The following ZNF865 variants were observed in gnomAD, a reference collection of about 807,000 sequenced individuals.
The protein encoded by ZNF865 is zinc finger protein 865.
For synonymous variants in ZNF865, 763 were observed against 750.8 expected, an observed-to-expected ratio of 1.02 and a Z score of -0.27; for missense variants, 1,311 against 1,593.4, an observed-to-expected ratio of 0.82 and a Z score of 3.02.
chr19:55,614,239 G>A lies in ZNF865; in HGVS notation c.621G>A (p.Lys207=), dbSNP rs1406228829. ...CGGCGGCGGCCTGCGACCCCACCAA[G>A]GACGACAAGGGCTACTTCCGGAGAC... ...PPAAAACDPT[K]DDKGYFRRLK... The change falls in exon 2 of 2, where the codon AAG becomes AAA. Residue 207 remains lysine (K), a synonymous_variant. Transcript: ENST00000568956. This position sits in a 1 kb window ranked among gnomAD's most constrained non-coding sequence, Gnocchi z 8.0. 4.6e-6 allele frequency: 7 copies of A among 1,512,084 alleles called. No homozygotes were observed. Among genetic ancestry groups the A allele is most frequent in the African/African-American group, 2.9e-5 (2 of 70,146 alleles). 93.7% of individuals were successfully genotyped at this position (1,512,084 alleles called of 1,614,324 possible).
rs1328186538 is a variant in ZNF865, at chr19:55,614,838, T to G, written c.1220T>G (p.Leu407Arg). ...ACGCACTCGGCCGACCTCCTGCGCC[T>G]GCCCTGCGGCATCTGCGGGAAGGCC... Reference protein sequence around the residue: ...VKTHSADLLRLPCGICGKAFR... With the variant: ...VKTHSADLLRRPCGICGKAFR... The change falls in exon 2 of 2, where the codon CTG becomes CGG. Residue 407 changes from leucine (L) to arginine (R), a missense_variant. Transcript: ENST00000568956. The surrounding 1 kb of genome is among the most constrained non-coding windows in gnomAD (Gnocchi z 8.0). The G allele has an allele frequency of 1.3e-6, 2 of 1,532,250 alleles. No homozygotes were observed. Among genetic ancestry groups the G allele is most frequent in the East Asian group, 4.9e-5 (2 of 40,530 alleles). The allele number at this position is 1,532,250 out of a possible 1,614,324, so 94.9% of individuals were successfully genotyped here. A position where few individuals can be genotyped will look rare whatever the true frequency, so the allele number is the denominator to read the frequency against.
chr19:55,606,356 A>ACC (rs138216369), intron 1 of ZNF865, among the ~76,000 whole-genome samples: 2 of 150,162 alleles, frequency 1.3e-5, no homozygotes, highest in Non-Finnish European at 1.5e-5. Flanking sequence ...TTTCAAAGCC[A>ACC]CCCCCCCATC....
chr19:55,616,935 C>T lies in ZNF865; in HGVS notation c.*137C>T. On this transcript the variant is annotated 3_prime_UTR_variant, in exon 2 of 2. Coordinates refer to ENST00000568956, the MANE Select transcript of ZNF865 (RefSeq NM_001195605.2). ...ACACGGACTGGCGACCTTCAGGGCG[C>T]ACGCCCGACAGGCTCAAGACTGAAT... 1.1e-6 allele frequency: 1 copy of T among 915,022 alleles called. No individual in the cohort carries two copies. Among genetic ancestry groups the T allele is most frequent in the Non-Finnish European group, 1.5e-6 (1 of 652,824 alleles). The allele number at this position is 915,022 out of a possible 1,614,324, so 56.7% of individuals were successfully genotyped here.
At position 55,614,523 on chromosome 19, in the gene ZNF865, G is replaced by GCGC; in HGVS notation, c.910_912dup (p.Ala304dup). Reference sequence around the variant, plus strand: ...CTGGGCCTCCCAGCACCCGCTGCCAGCGCCGCCACCGCCGCCGCCCCCTCC... The same window carrying GCGC: ...CTGGGCCTCCCAGCACCCGCTGCCAGCGCCGCCGCCACCGCCGCCGCCCCCTCC... On this transcript the variant is annotated inframe_insertion, in exon 2 of 2. Transcript: ENST00000568956. This position sits in a 1 kb window ranked among gnomAD's most constrained non-coding sequence, Gnocchi z 8.0. 1 of 1,332,738 alleles carries GCGC rather than the reference G, an allele frequency of 7.5e-7. No homozygotes were observed. Among genetic ancestry groups the GCGC allele is most frequent in the Non-Finnish European group, 9.5e-7 (1 of 1,049,936 alleles). The allele number at this position is 1,332,738 out of a possible 1,614,324, so 82.6% of individuals were successfully genotyped here. A position where few individuals can be genotyped will look rare whatever the true frequency, so the allele number is the denominator to read the frequency against.
intron 1 of ZNF865, among the ~76,000 whole-genome samples, chr19:55,606,608 T>G (rs2123580208): frequency 6.6e-6 from 1 of 152,362 alleles, no homozygotes; most frequent in South Asian, 2.1e-4. Flanking sequence ...GAACAACTGT[T>G]GCCCTGACCT....
intron 1 of ZNF865, among the ~76,000 whole-genome samples, chr19:55,607,933 G>T (rs899470741): frequency 1.3e-5 from 2 of 152,120 alleles, no homozygotes; most frequent in Admixed American, 6.6e-5. Flanking sequence ...TAGGTCCTGG[G>T]GATGGAACAG....
intron 1 of ZNF865, chr19:55,613,059 C>T (rs191928566): frequency 6.7e-4 from 103 of 153,516 alleles, no homozygotes; most frequent in Non-Finnish European, 1.2e-3. Context: ...AGTCCAGAGG[C>T]CCCCAGGATG....
Position 55,615,240 on chromosome 19 carries a change from C to T in ZNF865, c.1622C>T (p.Ser541Leu), listed in dbSNP as rs1167124254. 1.1e-5 allele frequency: 16 copies of T among 1,511,462 alleles called. No homozygotes were observed. Among genetic ancestry groups the T allele is most frequent in the Middle Eastern group, 1.7e-4 (1 of 5,718 alleles). 93.6% of individuals were successfully genotyped at this position (1,511,462 alleles called of 1,614,324 possible). Residue 541 changes from serine (S) to leucine (L), a missense_variant, in exon 2 of 2, where the codon TCG (serine) becomes TTG (leucine). Coordinates refer to ENST00000568956, the MANE Select transcript of ZNF865 (RefSeq NM_001195605.2). ...GGAGTSGAGG[S>L]GASVPGKTFC... is the part of the protein sequence containing the mutation. ...GCGGGGACCAGCGGGGCGGGAGGCTCGGGCGCCAGCGTCCCAGGAAAGACG... is the reference window on the plus strand; with the variant it reads ...GCGGGGACCAGCGGGGCGGGAGGCTTGGGCGCCAGCGTCCCAGGAAAGACG...
intron 1 of ZNF865, chr19:55,612,589 C>T (rs1568525377): frequency 6.6e-6 from 1 of 152,380 alleles, no homozygotes; most frequent in African/African-American, 2.4e-5. Flanking sequence ...GTAGCCTTCA[C>T]CTCCCGGGCT....
At chr19:55,609,526 C>T (rs527886588) in intron 1 of ZNF865, among the ~76,000 whole-genome samples, 1 of 152,304 alleles carries the variant, frequency 6.6e-6, no homozygotes, top group Non-Finnish European at 1.5e-5. Flanking sequence ...AGAATTTCAT[C>T]ACAAGGCAGC....
Position 55,616,437 on chromosome 19 carries a change from C to G in ZNF865, c.2819C>G (p.Thr940Ser). ...RPQRCSACGK[T>S]FRYRSNLLEH... ...CAGCGCTGCAGCGCCTGTGGCAAGACCTTCCGCTACCGCTCCAACCTGCTG... is the reference window on the plus strand; with the variant it reads ...CAGCGCTGCAGCGCCTGTGGCAAGAGCTTCCGCTACCGCTCCAACCTGCTG... The change falls in exon 2 of 2, where the codon ACC becomes AGC. Residue 940 changes from threonine to serine, a missense_variant. Coordinates refer to ENST00000568956, the MANE Select transcript of ZNF865 (RefSeq NM_001195605.2). The G allele has an allele frequency of 6.6e-7, 1 of 1,522,316 alleles. No homozygotes were observed. The allele number at this position is 1,522,316 out of a possible 1,614,324, so 94.3% of individuals were successfully genotyped here. A position where few individuals can be genotyped will look rare whatever the true frequency, so the allele number is the denominator to read the frequency against.
chr19:55,616,557 G>A lies in ZNF865; in HGVS notation c.2939G>A (p.Arg980His). 3 of 1,533,012 alleles carry A rather than the reference G, an allele frequency of 2.0e-6. No homozygotes were observed. Among genetic ancestry groups the A allele is most frequent in the Non-Finnish European group, 2.6e-6 (3 of 1,145,372 alleles). 95.0% of individuals were successfully genotyped at this position (1,533,012 alleles called of 1,614,324 possible). The change falls in exon 2 of 2, where the codon CGC becomes CAC. Residue 980 changes from arginine to histidine, a missense_variant. Physicochemically the swap from Arg to His is conservative, Grantham distance 29. Coordinates refer to ENST00000568956, the MANE Select transcript of ZNF865 (RefSeq NM_001195605.2). Reference protein sequence around the residue: ...FYLSSVLRHQRAHEPPRPELR... With the variant: ...FYLSSVLRHQHAHEPPRPELR... ...CTGAGCTCCGTGCTGCGCCACCAGC[G>A]CGCCCATGAGCCGCCGCGGCCCGAG... is the stretch of plus-strand genomic sequence containing the variant.
Position 55,614,221 on chromosome 19 carries a change from G to A in ZNF865, c.603G>A (p.Ala201=), listed in dbSNP as rs1981253752. The A allele has an allele frequency of 6.6e-7, 1 of 1,506,924 alleles. No individual in the cohort carries two copies. The highest frequency in any genetic ancestry group is 1.2e-5 in the South Asian group (1 of 81,330). 93.3% of individuals were successfully genotyped at this position (1,506,924 alleles called of 1,614,324 possible). ...SQTPPGPPAA[A]ACDPTKDDKG... ...CCCCGCCAGGACCCCCCGCGGCGGC[G>A]GCCTGCGACCCCACCAAGGACGACA... Residue 201 remains alanine, a synonymous_variant, in exon 2 of 2, where the codon GCG becomes GCA. Coordinates refer to ENST00000568956, the MANE Select transcript of ZNF865 (RefSeq NM_001195605.2). This position sits in a 1 kb window ranked among gnomAD's most constrained non-coding sequence, Gnocchi z 8.0.
At chr19:55,608,191 C>A (rs1981007984) in intron 1 of ZNF865, among the ~76,000 whole-genome samples, 2 of 151,898 alleles carry the variant, frequency 1.3e-5, no homozygotes, top group Non-Finnish European at 2.9e-5. Flanking sequence ...GAGATGGTTG[C>A]CTGAGAGTCA....
Position 55,614,356 on chromosome 19 carries a change from C to T in ZNF865, c.738C>T (p.His246=). The change falls in exon 2 of 2, where the codon CAC becomes CAT. Residue 246 remains histidine, a synonymous_variant. Coordinates refer to ENST00000568956, the MANE Select transcript of ZNF865 (RefSeq NM_001195605.2). This position sits in a 1 kb window ranked among gnomAD's most constrained non-coding sequence, Gnocchi z 8.0. ...SSHLVQHMLV[H]SGERPYECGV... is the part of the protein sequence containing the mutation. ...ACCTGGTCCAGCACATGCTGGTGCA[C>T]TCGGGGGAGAGGCCCTACGAATGCG... is the stretch of plus-strand genomic sequence containing the variant. 2 of 1,487,884 alleles carry T rather than the reference C, an allele frequency of 1.3e-6. No homozygotes were observed. The highest frequency in any genetic ancestry group is 1.8e-6 in the Non-Finnish European group (2 of 1,123,428). 92.2% of individuals were successfully genotyped at this position (1,487,884 alleles called of 1,614,324 possible).
At position 55,614,454 on chromosome 19, in the gene ZNF865, C is replaced by G; in HGVS notation, c.836C>G (p.Pro279Arg). The G allele has an allele frequency of 1.4e-6, 2 of 1,427,118 alleles. No individual in the cohort carries two copies. Among genetic ancestry groups the G allele is most frequent in the Middle Eastern group, 2.4e-4 (1 of 4,084 alleles). 88.4% of individuals were successfully genotyped at this position (1,427,118 alleles called of 1,614,324 possible). A position where few individuals can be genotyped will look rare whatever the true frequency, so the allele number is the denominator to read the frequency against. The change falls in exon 2 of 2, where the codon CCG (proline) becomes CGG (arginine). Residue 279 changes from proline (P) to arginine (R), a missense_variant. Coordinates refer to ENST00000568956, the MANE Select transcript of ZNF865 (RefSeq NM_001195605.2). This position sits in a 1 kb window ranked among gnomAD's most constrained non-coding sequence, Gnocchi z 8.0. ...CGCCGCTGCCACAAGGACGTGCCACCGGCCGCGGGGGGCCCGCCCCAGCCC... is the reference window on the plus strand; with the variant it reads ...CGCCGCTGCCACAAGGACGTGCCACGGGCCGCGGGGGGCCCGCCCCAGCCC... ...RHRRCHKDVPPAAGGPPQPGP... is the reference protein window; with the variant it reads ...RHRRCHKDVPRAAGGPPQPGP...
rs749220237 is a variant in ZNF865, at chr19:55,613,873, C to A, written c.255C>A (p.Phe85Leu). ...PQYDYPPQST[F>L]KPKAEVPSSS... Reference sequence around the variant, plus strand: ...ATGACTACCCGCCCCAGTCCACCTTCAAGCCCAAGGCGGAGGTGCCCTCCT... The same window carrying A: ...ATGACTACCCGCCCCAGTCCACCTTAAAGCCCAAGGCGGAGGTGCCCTCCT... Residue 85 changes from phenylalanine to leucine, a missense_variant, in exon 2 of 2, where the codon TTC becomes TTA. Coordinates refer to ENST00000568956, the MANE Select transcript of ZNF865 (RefSeq NM_001195605.2). 256 of 1,474,742 alleles carry A rather than the reference C, an allele frequency of 1.7e-4. No individual in the cohort carries two copies. The African/African-American group carries it at 3.4e-3, about 19-fold the overall frequency. 91.4% of individuals were successfully genotyped at this position (1,474,742 alleles called of 1,614,324 possible).
In ZNF865 at chr19:55,614,894, C is replaced by G; in HGVS notation, c.1276C>G (p.Gln426Glu). The change falls in exon 2 of 2, where the codon CAG becomes GAG. Residue 426 changes from glutamine (Q) to glutamate (E), a missense_variant. Physicochemically the swap from Gln to Glu is conservative, Grantham distance 29. Transcript: ENST00000568956. The surrounding 1 kb of genome is among the most constrained non-coding windows in gnomAD (Gnocchi z 8.0). Reference sequence around the variant, plus strand: ...CGACGCCTCCTACCTCCTCAAGCACCAGGCGGCCCACGCGGGGGCGGGCGC... The same window carrying G: ...CGACGCCTCCTACCTCCTCAAGCACGAGGCGGCCCACGCGGGGGCGGGCGC... ...FRDASYLLKH[Q>E]AAHAGAGAGG... The G allele has an allele frequency of 1.3e-6, 2 of 1,498,488 alleles. No homozygotes were observed. The highest frequency in any genetic ancestry group is 1.8e-6 in the Non-Finnish European group (2 of 1,128,514). The allele number at this position is 1,498,488 out of a possible 1,614,324, so 92.8% of individuals were successfully genotyped here.
In ZNF865 at chr19:55,614,647, C is replaced by A; in HGVS notation, c.1029C>A (p.Thr343=). Residue 343 remains threonine, a synonymous_variant, in exon 2 of 2, where the codon ACC becomes ACA. Transcript: ENST00000568956. This position sits in a 1 kb window ranked among gnomAD's most constrained non-coding sequence, Gnocchi z 8.0. ...PAGVGVPPPA[T]GGGDGPFACP... ...GTGTTGGGGTGCCCCCTCCTGCCACCGGGGGTGGCGATGGCCCGTTCGCCT... is the reference window on the plus strand; with the variant it reads ...GTGTTGGGGTGCCCCCTCCTGCCACAGGGGGTGGCGATGGCCCGTTCGCCT... 1 of 1,536,530 alleles carries A rather than the reference C, an allele frequency of 6.5e-7. No individual in the cohort carries two copies. The highest frequency in any genetic ancestry group is 8.7e-7 in the Non-Finnish European group (1 of 1,148,266).
Sources: gnomAD v4.1 joint callset for allele counts (sites outside exome capture counted in the v4.1 genomes callset) on GRCh38, gnomAD v4.1.1 for gene constraint, Gnocchi (gnomAD v3.1) non-coding constraint, MANE v1.5 for transcripts, NCBI Gene and HGNC (gene_info 2026-07-23, HGNC 2026-07-21) for gene names.